The following ELANE variants were observed in gnomAD, a reference collection of about 807,000 sequenced individuals.
The protein encoded by ELANE is neutrophil elastase.
A neutral mutation model predicts 20.6 loss-of-function variants in ELANE; 12 were observed. The ratio of observed to expected loss-of-function variants is 0.58; its 90% CI spans 0.37 to 0.94. The LOEUF is 0.94. ELANE is among the 40% of genes least tolerant of loss of function. The pLI is 0.01. For missense variants in ELANE, 388 were observed against 395.2 expected, an observed-to-expected ratio of 0.98 and a Z score of 0.15; for synonymous variants, 203 against 177.4, an observed-to-expected ratio of 1.14 and a Z score of -1.15.
At chr19:853,196 G>C in intron 2 of ELANE, 66 bp from the exon 3 acceptor site, 2 of 1,519,762 alleles carry the variant, frequency 1.3e-6, no homozygotes, top group Non-Finnish European at 1.8e-6. Context: ...GGATGGGGAC[G>C]ACAAGGCGCG....
chr19:852,949 G>T lies in ELANE; in HGVS notation c.141G>T (p.Leu47=). 6.3e-7 allele frequency: 1 copy of T among 1,595,602 alleles called. No homozygotes were observed. ...RPHAWPFMVS[L]QLRGGHFCGA... is the part of the protein sequence containing the mutation. Reference sequence around the variant, plus strand: ...ACGCGTGGCCCTTCATGGTGTCCCTGCAGCTGCGCGGAGGCCACTTCTGCG... The same window carrying T: ...ACGCGTGGCCCTTCATGGTGTCCCTTCAGCTGCGCGGAGGCCACTTCTGCG... The change falls in exon 2 of 5, where the codon CTG becomes CTT. Residue 47 remains leucine, a synonymous_variant. Coordinates refer to ENST00000263621, the MANE Select transcript of ELANE (RefSeq NM_001972.4).
rs1221151308 is a variant in ELANE at position 853,052 on chromosome 19, C to T, written c.224+20C>T. 9 of 1,540,830 alleles carry T rather than the reference C, an allele frequency of 5.8e-6. No homozygotes were observed. The highest frequency in any genetic ancestry group is 6.1e-6 in the Non-Finnish European group (7 of 1,149,922). On this transcript the variant is annotated intron_variant, in intron 2 of 4. Coordinates refer to ENST00000263621, the MANE Select transcript of ELANE (RefSeq NM_001972.4). The stretch of plus-strand genomic sequence containing the variant: ...GAATGTGTGAGTAGCCGGGAGTGTG[C>T]GCGCCCGGCTCGGACCCCGCGTCCC...
intron 1 of ELANE, among the ~76,000 whole-genome samples, 160 bp from the exon 2 acceptor site, chr19:852,716 G>A (rs904691345): frequency 6.6e-6 from 1 of 152,092 alleles, no homozygotes; most frequent in African/African-American, 2.4e-5. Flanking sequence ...GAACAACAGG[G>A]GTGCGAACGG....
chr19:854,648 T>C (rs1480894332), intron 3 of ELANE, among the ~76,000 whole-genome samples: 3 of 147,758 alleles, frequency 2.0e-5, no homozygotes, highest in South Asian at 2.1e-4. Flanking sequence ...TATATATATA[T>C]ACACACACAC....
chr19:853,439 G>A (rs2145145431), intron 3 of ELANE, 36 bp downstream of exon 3: 1 of 1,560,856 alleles, frequency 6.4e-7, no homozygotes, highest in Non-Finnish European at 8.7e-7. Context: ...CAGGGGCGGA[G>A]GCCAGAGGCC....
At position 855,617 on chromosome 19, in the gene ELANE, T is replaced by A. The variant is rs200606699; in HGVS notation, c.420T>A (p.Ala140=). The change falls in exon 4 of 5, where the codon GCT becomes GCA. Residue 140 remains alanine, a synonymous_variant. Transcript: ENST00000263621. This position sits in a 1 kb window ranked among gnomAD's most constrained non-coding sequence, Gnocchi z 6.2. ...ACGTGCAGGTGGCCCAGCTGCCGGC[T>A]CAGGGACGCCGCCTGGGCAACGGGG... The part of the protein sequence containing the change: ...NANVQVAQLP[A]QGRRLGNGVQ... The A allele has an allele frequency of 2.5e-6, 4 of 1,603,088 alleles. No individual in the cohort carries two copies. The highest frequency in any genetic ancestry group is 3.4e-6 in the Non-Finnish European group (4 of 1,179,820).
rs961676331 is a variant in ELANE at position 855,143 on chromosome 19, G to A, written c.367-421G>A. ...GCTGGGATTATAGGCGTGAGCCACC[G>A]CACCTGGCAATTTTTTTTTATTATT... is the stretch of plus-strand genomic sequence containing the variant. On this transcript the variant is annotated intron_variant, in intron 3 of 4. Transcript: ENST00000263621. The surrounding 1 kb of genome is among the most constrained non-coding windows in gnomAD (Gnocchi z 6.2). 2.0e-5 allele frequency among the ~76,000 whole-genome samples: 3 copies of A among 152,010 alleles called. No individual in the cohort carries two copies. The highest frequency in any genetic ancestry group is 2.4e-5 in the African/African-American group (1 of 41,398).
Position 856,100 on chromosome 19 carries a change from A to T in ELANE, c.740A>T (p.Gln247Leu), listed in dbSNP as rs199929892. ...QFVNWIDSIIQRSEDNPCPHP... is the reference protein window; with the variant it reads ...QFVNWIDSIILRSEDNPCPHP... ...GTAAACTGGATCGACTCTATCATCCAACGCTCCGAGGACAACCCCTGTCCC... is the reference window on the plus strand; with the variant it reads ...GTAAACTGGATCGACTCTATCATCCTACGCTCCGAGGACAACCCCTGTCCC... Residue 247 changes from glutamine (Q) to leucine (L), a missense_variant, in exon 5 of 5, where the codon CAA (glutamine) becomes CTA (leucine). Transcript: ENST00000263621. The T allele has an allele frequency of 1.4e-5, 22 of 1,612,988 alleles. No homozygotes were observed. Among genetic ancestry groups the T allele is most frequent in the Non-Finnish European group, 1.8e-5 (21 of 1,180,014 alleles).
rs543058947 is a variant in ELANE at position 856,223 on chromosome 19, A to G, written c.*59A>G. 1.2e-5 allele frequency: 19 copies of G among 1,586,508 alleles called. No homozygotes were observed. The Admixed American group carries it at 2.7e-4, about 22-fold the overall frequency. ...CCCACACTCTCCAGCATCTGGCACA[A>G]TAAACATTCTCTGTTTTGTAGAATG... On this transcript the variant is annotated 3_prime_UTR_variant, in exon 5 of 5. Coordinates refer to ENST00000263621, the MANE Select transcript of ELANE (RefSeq NM_001972.4).
rs199670861 is a variant in ELANE, at chr19:856,047, C to G, written c.687C>G (p.Pro229=). ...GAGGCTGCGCCTCAGGGCTCTACCCCGATGCCTTTGCCCCGGTGGCACAGT... is the reference window on the plus strand; with the variant it reads ...GAGGCTGCGCCTCAGGGCTCTACCCGGATGCCTTTGCCCCGGTGGCACAGT... The part of the protein sequence containing the change: ...VRGGCASGLY[P]DAFAPVAQFV... The change falls in exon 5 of 5, where the codon CCC becomes CCG. Residue 229 remains proline, a synonymous_variant. Transcript: ENST00000263621. 6.2e-7 allele frequency: 1 copy of G among 1,613,562 alleles called. No homozygotes were observed. The highest frequency in any genetic ancestry group is 1.1e-5 in the South Asian group (1 of 91,088).
In ELANE at chr19:852,887, G is replaced by A. The variant is rs1241990890; in HGVS notation, c.79G>A (p.Ala27Thr). 6.3e-7 allele frequency: 1 copy of A among 1,596,104 alleles called. No homozygotes were observed. Among genetic ancestry groups the A allele is most frequent in the Non-Finnish European group, 8.5e-7 (1 of 1,177,268 alleles). The change falls in exon 2 of 5, where the codon GCC becomes ACC. Residue 27 changes from alanine (A) to threonine (T), a missense_variant. Transcript: ENST00000263621. ...PALLLGGTAL[A>T]SEIVGGRRAR... Reference sequence around the variant, plus strand: ...CGGTGTGTCCCCAGGCACCGCGCTGGCCTCGGAGATTGTGGGGGGCCGGCG... The same window carrying A: ...CGGTGTGTCCCCAGGCACCGCGCTGACCTCGGAGATTGTGGGGGGCCGGCG...
rs1358228639 is a variant in ELANE at position 852,371 on chromosome 19, G to A, written c.43G>A (p.Val15Ile). Residue 15 changes from valine (V) to isoleucine (I), a missense_variant, in exon 1 of 5, where the codon GTC (valine) becomes ATC (isoleucine). Transcript: ENST00000263621. ...RRLACLFLAC[V>I]LPALLLGGTA... Reference sequence around the variant, plus strand: ...ACTCGCGTGTCTTTTCCTCGCCTGTGTCCTGCCGGCCTTGCTGCTGGGGGG... The same window carrying A: ...ACTCGCGTGTCTTTTCCTCGCCTGTATCCTGCCGGCCTTGCTGCTGGGGGG... 6.2e-7 allele frequency: 1 copy of A among 1,611,686 alleles called. No individual in the cohort carries two copies. The highest frequency in any genetic ancestry group is 8.5e-7 in the Non-Finnish European group (1 of 1,179,956).
At position 853,271 on chromosome 19, in the gene ELANE, CGCGGT is replaced by C; in HGVS notation, c.239_243del (p.Val80GlyfsTer7). 3 of 1,602,924 alleles carry C rather than the reference CGCGGT, an allele frequency of 1.9e-6. No homozygotes were observed. Among genetic ancestry groups the C allele is most frequent in the Non-Finnish European group, 2.6e-6 (3 of 1,175,440 alleles). On this transcript the variant is annotated frameshift_variant, in exon 3 of 5. Transcript: ENST00000263621. LOFTEE classifies it high-confidence loss of function. ...TCTCCCTCCCCGGCAGAAACGTCCG[CGCGGT>C]GCGGGTGGTCCTGGGAGCCCATAAC...
chr19:852,321 G>A lies in ELANE; in HGVS notation c.-8G>A. 6.2e-7 allele frequency: 1 copy of A among 1,607,990 alleles called. No homozygotes were observed. Among genetic ancestry groups the A allele is most frequent in the Non-Finnish European group, 8.5e-7 (1 of 1,179,692 alleles). On this transcript the variant is annotated 5_prime_UTR_variant, in exon 1 of 5. Coordinates refer to ENST00000263621, the MANE Select transcript of ELANE (RefSeq NM_001972.4). ...GAGGGGCAGAGACCCCGGAGCCCCA[G>A]CCCCACCATGACCCTCGGCCGCCGA...
Position 855,631 on chromosome 19 carries a change from TG to T in ELANE, c.437del (p.Gly146AlafsTer29). ...VAQLPAQGRR[L>X]GNGVQCLAMG... is the part of the protein sequence containing the mutation. ...CAGCTGCCGGCTCAGGGACGCCGCC[TG>T]GGCAACGGGGTGCAGTGCCTGGCCA... On this transcript the variant is annotated frameshift_variant, in exon 4 of 5. Coordinates refer to ENST00000263621, the MANE Select transcript of ELANE (RefSeq NM_001972.4). LOFTEE classifies it high-confidence loss of function. This position sits in a 1 kb window ranked among gnomAD's most constrained non-coding sequence, Gnocchi z 6.2. 1 of 1,605,042 alleles carries T rather than the reference TG, an allele frequency of 6.2e-7. No individual in the cohort carries two copies.
chr19:852,820 G>A (rs1002179256), intron 1 of ELANE, 56 bp from the exon 2 acceptor site: 22 of 1,567,174 alleles, frequency 1.4e-5, no homozygotes, highest in African/African-American at 1.2e-4. Context: ...CCCCGTGGCC[G>A]GGAGGGGACA....
rs1269412386 is a variant in ELANE, at chr19:855,433, G to A, written c.367-131G>A. The A allele has an allele frequency of 5.0e-6, 5 of 996,190 alleles. No homozygotes were observed. The highest frequency in any genetic ancestry group is 1.4e-5 in the South Asian group (1 of 72,686). The allele number at this position is 996,190 out of a possible 1,614,324, so 61.7% of individuals were successfully genotyped here. On this transcript the variant is annotated intron_variant, in intron 3 of 4. Transcript: ENST00000263621. This position sits in a 1 kb window ranked among gnomAD's most constrained non-coding sequence, Gnocchi z 6.2. The stretch of plus-strand genomic sequence containing the variant: ...GCTTGCCTTGGGGAGCAGAGTGTGG[G>A]GTGGGTATCCTGCCCTGCAGGATCC...
chr19:853,467 G>A (rs1360733153), intron 3 of ELANE, 64 bp downstream of exon 3: 11 of 1,533,474 alleles, frequency 7.2e-6, no homozygotes, highest in Non-Finnish European at 8.8e-6. Flanking sequence ...GGTGGAGGCT[G>A]CGACGGAGGG....
chr19:853,186 G>T (rs1240517926), intron 2 of ELANE, 76 bp from the exon 3 acceptor site: 2 of 1,506,008 alleles, frequency 1.3e-6, no homozygotes, highest in East Asian at 5.1e-5. Flanking sequence ...GCCCGTCGCC[G>T]GATGGGGACG....
Sources: allele counts gnomAD v4.1 joint callset (sites outside exome capture counted in the v4.1 genomes callset), GRCh38; gene constraint gnomAD v4.1.1; non-coding constraint Gnocchi (gnomAD v3.1); transcripts MANE v1.5; gene names NCBI Gene and HGNC (gene_info 2026-07-23, HGNC 2026-07-21).